Variants in PCLO observed in about 807,000 individuals in gnomAD.
The protein encoded by PCLO is protein piccolo.
A neutral mutation model predicts 427.5 loss-of-function variants in PCLO; 82 were observed. That is an observed-to-expected ratio of 0.19 (90% CI 0.16 to 0.23). The LOEUF is 0.23. Among genes scored for constraint, PCLO ranks in the 10% least tolerant of loss-of-function variants. PCLO has a pLI of 1.00. For missense variants in PCLO, 6,239 were observed against 6,115.9 expected, an observed-to-expected ratio of 1.02 and a Z score of -0.67; for synonymous variants, 2,357 against 2,155.4, an observed-to-expected ratio of 1.09 and a Z score of -2.59.
At chr7:82,969,359 T>C (rs1306261757) in intron 3 of PCLO, among the ~76,000 whole-genome samples, 1 of 152,106 alleles carries the variant, frequency 6.6e-6, no homozygotes, top group South Asian at 2.1e-4. Context: ...CAGAAGGCAA[T>C]AGTGTAAATC....
At chr7:83,084,670 T>A (rs929113559) in intron 3 of PCLO, among the ~76,000 whole-genome samples, 1 of 152,200 alleles carries the variant, frequency 6.6e-6, no homozygotes, top group African/African-American at 2.4e-5. Flanking sequence ...TTGTTTTTAT[T>A]CTTGCTTTGC....
At chr7:82,870,214 A>C (rs1793198718) in intron 10 of PCLO, among the ~76,000 whole-genome samples, 1 of 152,084 alleles carries the variant, frequency 6.6e-6, no homozygotes, top group Non-Finnish European at 1.5e-5. Context: ...TACTAACCAA[A>C]AGAGCATGGC....
chr7:82,823,486 A>G (rs999640774), intron 19 of PCLO, among the ~76,000 whole-genome samples: 10 of 152,168 alleles, frequency 6.6e-5, no homozygotes, highest in Non-Finnish European at 1.3e-4. Context: ...ATATCTAGGT[A>G]AGGTACCACA....
chr7:82,790,832 T>A (rs374927045), intron 22 of PCLO, among the ~76,000 whole-genome samples: 259 of 152,342 alleles, frequency 1.7e-3, no homozygotes, highest in Non-Finnish European at 2.9e-3. Flanking sequence ...GGTAAACTCC[T>A]TAAAACCTGT....
chr7:83,137,458 T>C (rs1791758086), intron 2 of PCLO, among the ~76,000 whole-genome samples: 1 of 152,082 alleles, frequency 6.6e-6, no homozygotes, highest in African/African-American at 2.4e-5. Flanking sequence ...AGAGATGGAG[T>C]CTCGCTCTGT....
chr7:82,909,066 T>C (rs1562850748), intron 7 of PCLO, 53 bp from the exon 8 acceptor site: 12 of 1,587,486 alleles, frequency 7.6e-6, no homozygotes, highest in Admixed American at 1.7e-5. Context: ...ATACAGATGA[T>C]TGAGGGAAGC....
chr7:82,785,030 A>G (rs1029900792), intron 22 of PCLO, among the ~76,000 whole-genome samples: 1 of 152,162 alleles, frequency 6.6e-6, no homozygotes, highest in Admixed American at 6.6e-5. Flanking sequence ...TTACTTACCA[A>G]ATAATTTAAG....
chr7:82,902,963 G>T lies in PCLO; in HGVS notation c.13438-222C>A, dbSNP rs151219787. ...TTTGCATTTATAACCAATTGCTCTT[G>T]CAAAATGACTTGTTGTATTTGAAAA... On this transcript the variant is annotated intron_variant, in intron 8 of 24. Coordinates refer to ENST00000333891, the MANE Select transcript of PCLO (RefSeq NM_033026.6). Among the ~76,000 whole-genome samples the T allele has an allele frequency of 2.2e-3, 330 of 152,076 alleles. 3 individuals carry two copies. Among genetic ancestry groups the T allele is most frequent in the African/African-American group, 7.8e-3 (322 of 41,530 alleles).
intron 3 of PCLO, among the ~76,000 whole-genome samples, chr7:83,090,492 T>G (rs1790351598): frequency 6.6e-6 from 1 of 152,116 alleles, no homozygotes; most frequent in South Asian, 2.1e-4. Flanking sequence ...CATAATATAC[T>G]CCAAATCAGG....
chr7:83,090,696 A>T (rs893481696), intron 3 of PCLO, among the ~76,000 whole-genome samples: 5 of 152,188 alleles, frequency 3.3e-5, no homozygotes, highest in African/African-American at 1.2e-4. Flanking sequence ...CTACAAATTA[A>T]CTATTATTCC....
At chr7:83,000,190 T>C (rs941405472) in intron 3 of PCLO, among the ~76,000 whole-genome samples, 2 of 149,058 alleles carry the variant, frequency 1.3e-5, no homozygotes, top group African/African-American at 4.9e-5. Flanking sequence ...TACAGAGGAA[T>C]GAAGATAATA....
rs1562942349 is a variant in PCLO at position 83,057,337 on chromosome 7, T to C, written c.3300+76913A>G. On this transcript the variant is annotated intron_variant, in intron 3 of 24. Coordinates refer to ENST00000333891, the MANE Select transcript of PCLO (RefSeq NM_033026.6). ...ATATACATATATATATATATATATA[T>C]ATATATATATATTTTTTTTTTTTTT... Among the ~76,000 whole-genome samples, 8 of 24,036 alleles carry C rather than the reference T, an allele frequency of 3.3e-4. No individual in the cohort carries two copies. In the East Asian group the frequency reaches 5.1e-3, roughly 15 times the overall value. 15.8% of individuals were successfully genotyped at this position (24,036 alleles called of 152,430 possible). A position where few individuals can be genotyped will look rare whatever the true frequency, so the allele number is the denominator to read the frequency against.
chr7:83,102,753 T>G (rs1487293212), intron 3 of PCLO, among the ~76,000 whole-genome samples: 1 of 151,926 alleles, frequency 6.6e-6, no homozygotes, highest in Non-Finnish European at 1.5e-5. Flanking sequence ...TTTTTATATC[T>G]AGCTAAAATA....
chr7:82,866,530 C>G lies in PCLO; in HGVS notation c.13654+12807G>C, dbSNP rs190601001. The stretch of plus-strand genomic sequence containing the variant: ...TGAATAAATAATGGCATTCAGCAAA[C>G]TCAAGTGCTGTGGCTGACAGTGACT... On this transcript the variant is annotated intron_variant, in intron 10 of 24. Coordinates refer to ENST00000333891, the MANE Select transcript of PCLO (RefSeq NM_033026.6). 4.6e-5 allele frequency among the ~76,000 whole-genome samples: 7 copies of G among 151,974 alleles called. No homozygotes were observed. In the East Asian group the frequency reaches 1.4e-3, roughly 29 times the overall value.
At chr7:83,028,182 T>C (rs1788556326) in intron 3 of PCLO, among the ~76,000 whole-genome samples, 1 of 152,166 alleles carries the variant, frequency 6.6e-6, no homozygotes, top group Non-Finnish European at 1.5e-5. Flanking sequence ...TCTTTGCAGA[T>C]GACATGATTG....
intron 19 of PCLO, among the ~76,000 whole-genome samples, chr7:82,823,848 G>A (rs949388285): frequency 6.6e-6 from 1 of 151,994 alleles, no homozygotes; most frequent in African/African-American, 2.4e-5. Flanking sequence ...ACAATTAGAA[G>A]GATTATAACT....
At chr7:82,894,627 A>T (rs557782503) in intron 9 of PCLO, among the ~76,000 whole-genome samples, 1 of 152,150 alleles carries the variant, frequency 6.6e-6, no homozygotes, top group Non-Finnish European at 1.5e-5. Context: ...TCAAGATGAC[A>T]TTTGGGTAGG....
intron 3 of PCLO, among the ~76,000 whole-genome samples, chr7:83,055,532 T>C (rs781419062): frequency 6.6e-6 from 1 of 152,050 alleles, no homozygotes; most frequent in Non-Finnish European, 1.5e-5. Context: ...TGATTGTCTC[T>C]ATCAGTTAGA....
At chr7:83,006,097 G>C (rs1787939304) in intron 3 of PCLO, among the ~76,000 whole-genome samples, 1 of 151,524 alleles carries the variant, frequency 6.6e-6, no homozygotes, top group Non-Finnish European at 1.5e-5. Context: ...CAATTAACAA[G>C]GTCCCCCCTT....
Sources: gnomAD v4.1 joint callset for allele counts (sites outside exome capture counted in the v4.1 genomes callset) on GRCh38, gnomAD v4.1.1 for gene constraint, MANE v1.5 for transcripts, NCBI Gene and HGNC (gene_info 2026-07-23, HGNC 2026-07-21) for gene names.